The following CARMIL2 variants were observed in gnomAD, a reference collection of about 807,000 sequenced individuals.
CARMIL2 encodes the protein capping protein regulator and myosin 1 linker 2.
Under a neutral mutation model 173.3 loss-of-function variants are expected in CARMIL2, and 96 were observed. The observed-to-expected ratio is 0.55, with a 90% CI of 0.47 to 0.66. The LOEUF is 0.66. Among genes scored for constraint, CARMIL2 ranks in the 30% least tolerant of loss-of-function variants. The probability of loss-of-function intolerance (pLI) is 0.00; values close to 1 mark genes in which losing one functional copy is unlikely to be tolerated. For missense variants in CARMIL2, 1,771 were observed against 1,906.7 expected (o/e 0.93, Z 1.33); for synonymous variants, 830 against 817.1 (o/e 1.02, Z -0.27).
At position 67,649,227 on chromosome 16, in the gene CARMIL2, C is replaced by T. The variant is rs747140752; in HGVS notation, c.1689-27C>T. The T allele has an allele frequency of 3.7e-6, 6 of 1,613,254 alleles. No individual in the cohort carries two copies. The highest frequency in any genetic ancestry group is 1.1e-5 in the South Asian group (1 of 91,040). On this transcript the variant is annotated intron_variant, in intron 18 of 37. Coordinates refer to ENST00000334583, the MANE Select transcript of CARMIL2 (RefSeq NM_001013838.3). This position sits in a 1 kb window ranked among gnomAD's most constrained non-coding sequence, Gnocchi z 6.7. ...CAGACAACACCCCACCACCCCTGTC[C>T]CCCACAACTGCGGCCCCTGCCCACA... is the stretch of plus-strand genomic sequence containing the variant.
At position 67,656,915 on chromosome 16, in the gene CARMIL2, CAGG is replaced by C. The variant is rs374171198; in HGVS notation, c.4117+37_4117+39del. ...AGACACCTCCACGTGTGCTTGAATG[CAGG>C]AGATGTGGGAGGGTGGGCTTCTGGG... On this transcript the variant is annotated intron_variant, in intron 36 of 37. Transcript: ENST00000334583. 426 of 1,485,926 alleles carry C rather than the reference CAGG, an allele frequency of 2.9e-4. 1 individual carries two copies. The highest frequency in any genetic ancestry group is 4.4e-4 in the Admixed American group (20 of 45,824). 92.0% of individuals were successfully genotyped at this position (1,485,926 alleles called of 1,614,324 possible). A position where few individuals can be genotyped will look rare whatever the true frequency, so the allele number is the denominator to read the frequency against.
Position 67,650,110 on chromosome 16 carries a change from G to A in CARMIL2, c.2144G>A (p.Arg715His), listed in dbSNP as rs561714944. Residue 715 changes from arginine to histidine, a missense_variant, in exon 22 of 38, where the codon CGC (arginine) becomes CAC (histidine). By Grantham distance (29) the Arg-to-His change is conservative. This residue lies in a region of CARMIL2 where 944 missense variants were observed against 975.6 expected (regional missense o/e 0.97). Coordinates refer to ENST00000334583, the MANE Select transcript of CARMIL2 (RefSeq NM_001013838.3). ...CCTGCCTCTTCTGACCACACGACCCGCCTTCAGCCACTTGGTCTGGTCTCA... is the reference window on the plus strand; with the variant it reads ...CCTGCCTCTTCTGACCACACGACCCACCTTCAGCCACTTGGTCTGGTCTCA... ...ADPASSDHTTRLQPLGLVSDP... is the reference protein window; with the variant it reads ...ADPASSDHTTHLQPLGLVSDP... The A allele has an allele frequency of 1.9e-5, 31 of 1,613,318 alleles. No homozygotes were observed. The highest frequency in any genetic ancestry group is 1.6e-4 in the East Asian group (7 of 44,866).
intron 32 of CARMIL2, among the ~76,000 whole-genome samples, chr16:67,655,555 C>A (rs1024749101): frequency 6.6e-6 from 1 of 152,252 alleles, no homozygotes; most frequent in African/African-American, 2.4e-5. Context: ...GGGGTCTTGG[C>A]CCTGGCCACC....
Position 67,648,422 on chromosome 16 carries a change from G to A in CARMIL2, c.1359G>A (p.Ala453=). ...GGAAGTCCCGCGCCGCGCCGGCCGC[G>A]CTGCAGCTCTTCCTCAGCCGCGCGC... ...SRTKSRAAPA[A]LQLFLSRART... is the part of the protein sequence containing the mutation. The change falls in exon 15 of 38, where the codon GCG becomes GCA. Residue 453 remains alanine (A), a synonymous_variant. Transcript: ENST00000334583. The surrounding 1 kb of genome is among the most constrained non-coding windows in gnomAD (Gnocchi z 6.1). 1.3e-6 allele frequency: 2 copies of A among 1,517,254 alleles called. No individual in the cohort carries two copies. Among genetic ancestry groups the A allele is most frequent in the African/African-American group, 1.4e-5 (1 of 71,664 alleles). The allele number at this position is 1,517,254 out of a possible 1,614,324, so 94.0% of individuals were successfully genotyped here.
rs757555433 is a variant in CARMIL2 at position 67,654,741 on chromosome 16, C to T, written c.3583-37C>T. The T allele has an allele frequency of 5.0e-6, 8 of 1,610,744 alleles. No individual in the cohort carries two copies. The Admixed American group carries it at 6.7e-5, about 13-fold the overall frequency. On this transcript the variant is annotated intron_variant, in intron 31 of 37. Transcript: ENST00000334583. The stretch of plus-strand genomic sequence containing the variant: ...GTGAAGGCGCTTCTGGGACCCAGGG[C>T]GCGGACTGTCTCCAACTCGAGCATC...
intron 11 of CARMIL2, 38 bp from the exon 12 acceptor site, chr16:67,647,642 A>T (rs2142916061): frequency 6.2e-7 from 1 of 1,601,672 alleles, no homozygotes; most frequent in African/African-American, 1.3e-5. Context: ...GGGCAGCAGG[A>T]GGAGGTGAGA....
intron 36 of CARMIL2, 44 bp downstream of exon 36, chr16:67,656,925 G>C (rs1396305546): frequency 6.9e-7 from 1 of 1,446,328 alleles, no homozygotes; most frequent in African/African-American, 1.4e-5. Context: ...CAGGAGATGT[G>C]GGAGGGTGGG....
chr16:67,655,769 C>T (rs1050517817), intron 32 of CARMIL2, among the ~76,000 whole-genome samples: 1 of 152,144 alleles, frequency 6.6e-6, no homozygotes, highest in East Asian at 1.9e-4. Context: ...TCATTAGAGT[C>T]CCAAAGAACC....
Position 67,646,065 on chromosome 16 carries a change from G to A in CARMIL2, c.234G>A (p.Gln78=), listed in dbSNP as rs373947022. The change falls in exon 4 of 38, where the codon CAG becomes CAA. Residue 78 remains glutamine, a synonymous_variant. Transcript: ENST00000334583. This position sits in a 1 kb window ranked among gnomAD's most constrained non-coding sequence, Gnocchi z 4.6. ...TGGAGGTCCAGGCCATGGCGCTGCA[G>A]GAGACACCCCCTCAGGTGAGACACC... The part of the protein sequence containing the change: ...SYLEVQAMAL[Q]ETPPQVTFEL... 2 of 1,613,822 alleles carry A rather than the reference G, an allele frequency of 1.2e-6. No individual in the cohort carries two copies. Among genetic ancestry groups the A allele is most frequent in the Non-Finnish European group, 1.7e-6 (2 of 1,179,892 alleles).
Position 67,657,403 on chromosome 16 carries a change from C to A in CARMIL2, c.4196-3C>A. 6.2e-7 allele frequency: 1 copy of A among 1,605,756 alleles called. No individual in the cohort carries two copies. The highest frequency in any genetic ancestry group is 8.5e-7 in the Non-Finnish European group (1 of 1,176,332). ...TCCTCTCTCTCCCTCCCTCCCCTCACAGGATCTGGCCTTGGAACCGAGCCT... is the reference window on the plus strand; with the variant it reads ...TCCTCTCTCTCCCTCCCTCCCCTCAAAGGATCTGGCCTTGGAACCGAGCCT... On this transcript the variant is annotated splice_polypyrimidine_tract_variant and splice_region_variant and intron_variant, in intron 37 of 37. Transcript: ENST00000334583. The surrounding 1 kb of genome is among the most constrained non-coding windows in gnomAD (Gnocchi z 4.5).
At position 67,649,778 on chromosome 16, in the gene CARMIL2, T is replaced by C; in HGVS notation, c.1920-28T>C. On this transcript the variant is annotated intron_variant, in intron 20 of 37. Coordinates refer to ENST00000334583, the MANE Select transcript of CARMIL2 (RefSeq NM_001013838.3). The surrounding 1 kb of genome is among the most constrained non-coding windows in gnomAD (Gnocchi z 6.7). ...TTGGGTGGGGCGTTGGGAAGCTCCG[T>C]CCCCGACTGAAGCCAGGCCCGGCCC... 6.2e-7 allele frequency: 1 copy of C among 1,601,876 alleles called. No individual in the cohort carries two copies. The highest frequency in any genetic ancestry group is 8.5e-7 in the Non-Finnish European group (1 of 1,173,334).
chr16:67,654,165 C>G lies in CARMIL2; in HGVS notation c.3137C>G (p.Pro1046Arg), dbSNP rs1446316857. Reference protein sequence around the residue: ...PGGPQVPPALPQEGNGLSARV... With the variant: ...PGGPQVPPALRQEGNGLSARV... ...GCCCCCCAGGTACCCCCAGCCTTGC[C>G]GCAGGAAGGGAATGGGCTCAGTGCC... Residue 1046 changes from proline (P) to arginine (R), a missense_variant, in exon 30 of 38, where the codon CCG becomes CGG. Pro to Arg is a moderately radical substitution (Grantham distance 103). Coordinates refer to ENST00000334583, the MANE Select transcript of CARMIL2 (RefSeq NM_001013838.3). The G allele has an allele frequency of 1.3e-6, 2 of 1,561,114 alleles. No individual in the cohort carries two copies. Among genetic ancestry groups the G allele is most frequent in the African/African-American group, 1.4e-5 (1 of 73,186 alleles).
intron 32 of CARMIL2, 106 bp downstream of exon 32, chr16:67,655,006 A>AT: frequency 7.0e-7 from 1 of 1,420,166 alleles, no homozygotes; most frequent in Non-Finnish European, 9.6e-7. Flanking sequence ...TCTAATTGTC[A>AT]GTTCTACTCC....
At position 67,648,694 on chromosome 16, in the gene CARMIL2, G is replaced by T. The variant is rs747800375; in HGVS notation, c.1449G>T (p.Leu483Phe). 8 of 1,606,292 alleles carry T rather than the reference G, an allele frequency of 5.0e-6. No homozygotes were observed. The Admixed American group carries it at 1.0e-4, about 20-fold the overall frequency. ...TAACGTCCTCTCCCAGAGCCCTTTT[G>T]GATGGCCTCGCGCTCAACACGCACC... ...KLPPDALRAL[L>F]DGLALNTHLR... The change falls in exon 16 of 38, where the codon TTG (leucine) becomes TTT (phenylalanine). Residue 483 changes from leucine to phenylalanine, a missense_variant. Coordinates refer to ENST00000334583, the MANE Select transcript of CARMIL2 (RefSeq NM_001013838.3). This position sits in a 1 kb window ranked among gnomAD's most constrained non-coding sequence, Gnocchi z 6.1.
Position 67,649,403 on chromosome 16 carries a change from C to T in CARMIL2, c.1747-44C>T, listed in dbSNP as rs1395344399. On this transcript the variant is annotated intron_variant, in intron 19 of 37. Coordinates refer to ENST00000334583, the MANE Select transcript of CARMIL2 (RefSeq NM_001013838.3). This position sits in a 1 kb window ranked among gnomAD's most constrained non-coding sequence, Gnocchi z 6.7. The stretch of plus-strand genomic sequence containing the variant: ...CCTCAGACCCTGTGACCTGCCCTCA[C>T]TGACCCCTGACTCCAGCCATCAATG... The T allele has an allele frequency of 1.2e-6, 2 of 1,610,760 alleles. No individual in the cohort carries two copies. The highest frequency in any genetic ancestry group is 2.2e-5 in the East Asian group (1 of 44,888).
At position 67,657,385 on chromosome 16, in the gene CARMIL2, T is replaced by TCTCC; in HGVS notation, c.4196-11_4196-8dup. 1.2e-6 allele frequency: 2 copies of TCTCC among 1,603,520 alleles called. No homozygotes were observed. The highest frequency in any genetic ancestry group is 1.7e-6 in the Non-Finnish European group (2 of 1,174,998). On this transcript the variant is annotated intron_variant, in intron 37 of 37. Transcript: ENST00000334583. The surrounding 1 kb of genome is among the most constrained non-coding windows in gnomAD (Gnocchi z 4.5). ...TAGCCCAGCCCTGACCCTTCCTCTC[T>TCTCC]CTCCCTCCCTCCCCTCACAGGATCT...
In CARMIL2 at chr16:67,648,530, CGCGG is replaced by C. The variant is rs1374056889; in HGVS notation, c.1439+32_1439+35del. On this transcript the variant is annotated intron_variant, in intron 15 of 37. Coordinates refer to ENST00000334583, the MANE Select transcript of CARMIL2 (RefSeq NM_001013838.3). The surrounding 1 kb of genome is among the most constrained non-coding windows in gnomAD (Gnocchi z 6.1). The stretch of plus-strand genomic sequence containing the variant: ...CAGTGTCGGACCCCGGCCACGCCCC[CGCGG>C]GCGCTCCCACCCTGCCCTGGCCTTC... 1 of 1,458,676 alleles carries C rather than the reference CGCGG, an allele frequency of 6.9e-7. No homozygotes were observed. The highest frequency in any genetic ancestry group is 9.1e-7 in the Non-Finnish European group (1 of 1,096,018). 90.4% of individuals were successfully genotyped at this position (1,458,676 alleles called of 1,614,324 possible).
chr16:67,653,112 G>T lies in CARMIL2; in HGVS notation c.2978G>T (p.Ser993Ile). The T allele has an allele frequency of 8.8e-7, 1 of 1,139,904 alleles. No homozygotes were observed. Among genetic ancestry groups the T allele is most frequent in the Non-Finnish European group, 1.1e-6 (1 of 926,896 alleles). The allele number at this position is 1,139,904 out of a possible 1,614,324, so 70.6% of individuals were successfully genotyped here. A position where few individuals can be genotyped will look rare whatever the true frequency, so the allele number is the denominator to read the frequency against. ...GGGCCGTCCGCGCGCGGCTCTCCGA[G>T]CCCTGCCGCCCCTGGGCCCCCGGCC... ...QAGPSARGSP[S>I]PAAPGPPAGP... is the part of the protein sequence containing the mutation. The change falls in exon 29 of 38, where the codon AGC becomes ATC. Residue 993 changes from serine to isoleucine, a missense_variant. Ser to Ile is a moderately radical substitution (Grantham distance 142). This residue lies in a region of CARMIL2 where 817 missense variants were observed against 903.5 expected (regional missense o/e 0.90). Transcript: ENST00000334583. The surrounding 1 kb of genome is among the most constrained non-coding windows in gnomAD (Gnocchi z 7.4).
intron 3 of CARMIL2, 109 bp from the exon 4 acceptor site, chr16:67,645,909 A>C: frequency 6.4e-7 from 1 of 1,558,024 alleles, no homozygotes; most frequent in Non-Finnish European, 8.8e-7. Flanking sequence ...GGCAGCCGAC[A>C]GGAGGGGAGT....
Sources: allele counts gnomAD v4.1 joint callset (sites outside exome capture counted in the v4.1 genomes callset), GRCh38; gene constraint gnomAD v4.1.1; regional missense constraint gnomAD v4.1.1; non-coding constraint Gnocchi (gnomAD v3.1); transcripts MANE v1.5; gene names NCBI Gene and HGNC (gene_info 2026-07-23, HGNC 2026-07-21).